Variants in MACROD2 observed in about 807,000 individuals in gnomAD.
The protein encoded by MACROD2 is mono-ADP ribosylhydrolase 2, also known as ADP-ribose glycohydrolase MACROD2.
In MACROD2, 36 loss-of-function variants were observed where a neutral mutation model predicts 70.4. The observed-to-expected ratio is 0.51, with a 90% CI of 0.39 to 0.68. The LOEUF is 0.68. MACROD2 is among the 30% of genes least tolerant of loss of function. The pLI is 0.00. For missense variants in MACROD2, 496 were observed against 538.4 expected (o/e 0.92, Z 0.78); for synonymous variants, 172 against 178.8 (o/e 0.96, Z 0.30).
intron 3 of MACROD2, among the ~76,000 whole-genome samples, chr20:14,431,283 A>C (rs1007274852): frequency 1.3e-5 from 2 of 152,138 alleles, no homozygotes; most frequent in South Asian, 4.1e-4. Flanking sequence ...CACAAGATAT[A>C]TAACTGATAA....
intron 15 of MACROD2, among the ~76,000 whole-genome samples, chr20:15,998,825 A>G (rs1195533236): frequency 6.6e-6 from 1 of 151,790 alleles, no homozygotes; most frequent in African/African-American, 2.4e-5. Flanking sequence ...CGGCCTCCCA[A>G]AGTGCTGGGA....
chr20:16,034,407 G>A (rs897497013), intron 15 of MACROD2, among the ~76,000 whole-genome samples: 2 of 151,996 alleles, frequency 1.3e-5, no homozygotes, highest in Admixed American at 6.6e-5. Flanking sequence ...AGTGAACTGG[G>A]AAGTCTAGGG....
intron 4 of MACROD2, among the ~76,000 whole-genome samples, chr20:14,537,620 C>T (rs527502586): frequency 4.6e-5 from 7 of 152,246 alleles, no homozygotes; most frequent in South Asian, 4.1e-4. Context: ...GCTAAGAGGA[C>T]GTGAAGCAGG....
In MACROD2 at chr20:14,438,646, A is replaced by T. The variant is rs117257654; in HGVS notation, c.272-54833A>T. Among the ~76,000 whole-genome samples, 356 of 152,212 alleles carry T rather than the reference A, an allele frequency of 2.3e-3. 6 individuals are homozygous for T. Among genetic ancestry groups the T allele is most frequent in the Admixed American group, 1.6e-3 (25 of 15,286 alleles). On this transcript the variant is annotated intron_variant, in intron 3 of 17. Transcript: ENST00000684519. ...TTATCTCACAGTGGTTTTCATTTGCATTTCCCCGATGATTAAAGATTAGGG... is the reference window on the plus strand; with the variant it reads ...TTATCTCACAGTGGTTTTCATTTGCTTTTCCCCGATGATTAAAGATTAGGG...
chr20:15,120,691 A>G (rs2076023940), intron 5 of MACROD2, among the ~76,000 whole-genome samples: 1 of 152,200 alleles, frequency 6.6e-6, no homozygotes, highest in South Asian at 2.1e-4. Context: ...TTACTGTTCC[A>G]TCTTTCTTTC....
chr20:15,282,850 T>C (rs1295289952), intron 6 of MACROD2, among the ~76,000 whole-genome samples: 1 of 152,166 alleles, frequency 6.6e-6, no homozygotes, highest in Non-Finnish European at 1.5e-5. Context: ...ACCAATTAAC[T>C]GTATCAGTCC....
chr20:14,577,968 T>C (rs1251734609), intron 4 of MACROD2, among the ~76,000 whole-genome samples: 1 of 152,112 alleles, frequency 6.6e-6, no homozygotes, highest in Non-Finnish European at 1.5e-5. Flanking sequence ...AATGACTGAA[T>C]TGATTCCTCC....
chr20:16,013,796 C>G (rs2147533123), intron 15 of MACROD2, among the ~76,000 whole-genome samples: 1 of 152,306 alleles, frequency 6.6e-6, no homozygotes, highest in Admixed American at 6.5e-5. Flanking sequence ...TTCCTCTGAC[C>G]ATAGCTGTAA....
At chr20:14,320,275 CTTTCT>C (rs1175097835) in intron 3 of MACROD2, among the ~76,000 whole-genome samples, 8 of 151,990 alleles carry the variant, frequency 5.3e-5, no homozygotes, top group African/African-American at 1.2e-4. Context: ...TTAATTAAAG[CTTTCT>C]TTTCTTTATT....
intron 10 of MACROD2, among the ~76,000 whole-genome samples, chr20:15,916,770 A>G (rs1163390431): frequency 2.6e-5 from 4 of 152,222 alleles, no homozygotes; most frequent in African/African-American, 9.6e-5. Context: ...GACAAGAGGC[A>G]GTTGGAGGTT....
intron 6 of MACROD2, among the ~76,000 whole-genome samples, chr20:15,279,714 A>G (rs1332354179): frequency 6.6e-6 from 1 of 152,236 alleles, no homozygotes; most frequent in Admixed American, 6.5e-5. Flanking sequence ...ATAGTAATTC[A>G]TAATGACTGT....
chr20:15,003,754 GGGAAGC>G (rs2075014258), intron 5 of MACROD2, among the ~76,000 whole-genome samples: 1 of 152,136 alleles, frequency 6.6e-6, no homozygotes, highest in South Asian at 2.1e-4. Context: ...GGAGAGAGGA[GGGAAGC>G]CTGAGGCCTG....
chr20:15,115,415 G>A (rs1419943306), intron 5 of MACROD2, among the ~76,000 whole-genome samples: 1 of 151,848 alleles, frequency 6.6e-6, no homozygotes, highest in Non-Finnish European at 1.5e-5. Flanking sequence ...GTAGAGATGG[G>A]GTCTTCCTAT....
chr20:15,776,118 A>G (rs2051717417), intron 8 of MACROD2, among the ~76,000 whole-genome samples: 1 of 152,174 alleles, frequency 6.6e-6, no homozygotes, highest in African/African-American at 2.4e-5. Flanking sequence ...TTTTCACTTA[A>G]AAATACAGAT....
chr20:14,624,044 C>T (rs1212049305), intron 4 of MACROD2, among the ~76,000 whole-genome samples: 1 of 152,206 alleles, frequency 6.6e-6, no homozygotes, highest in African/African-American at 2.4e-5. Flanking sequence ...GTCTGGACAT[C>T]TGCTGAATCT....
intron 6 of MACROD2, among the ~76,000 whole-genome samples, chr20:15,328,770 C>T (rs1390725645): frequency 7.9e-5 from 12 of 151,906 alleles, no homozygotes; most frequent in Non-Finnish European, 1.3e-4. Context: ...GTATCGAAAC[C>T]CTTAAAGATG....
chr20:15,934,409 A>C (rs2065626178), intron 11 of MACROD2, among the ~76,000 whole-genome samples: 3 of 152,200 alleles, frequency 2.0e-5, no homozygotes, highest in African/African-American at 7.2e-5. Context: ...TGTACCTGTG[A>C]CTGGGTCGGC....
chr20:15,018,382 C>G (rs1319326166), intron 5 of MACROD2, among the ~76,000 whole-genome samples: 3 of 152,162 alleles, frequency 2.0e-5, no homozygotes, highest in African/African-American at 4.8e-5. Flanking sequence ...CCATATTGCT[C>G]TCAGCATTTT....
intron 2 of MACROD2, among the ~76,000 whole-genome samples, chr20:14,072,987 ACATG>A (rs1192512786): frequency 1.3e-5 from 2 of 152,214 alleles, no homozygotes; most frequent in Non-Finnish European, 2.9e-5. Flanking sequence ...AATATTAAGA[ACATG>A]CATTAGAACT....
Sources: gnomAD v4.1 joint callset for allele counts (sites outside exome capture counted in the v4.1 genomes callset) on GRCh38, gnomAD v4.1.1 for gene constraint, MANE v1.5 for transcripts, NCBI Gene and HGNC (gene_info 2026-07-23, HGNC 2026-07-21) for gene names.